The following EPHA2 variants were observed in gnomAD, a reference collection of about 807,000 sequenced individuals.
The protein encoded by EPHA2 is ephrin type-A receptor 2.
EPHA2 carries 54 observed loss-of-function variants against 104.9 expected under a neutral mutation model. The observed-to-expected ratio is 0.51, with a 90% confidence interval of 0.41 to 0.65. The LOEUF is 0.65. Ranked by LOEUF, EPHA2 falls within the 30% of genes least tolerant of loss-of-function variation. EPHA2 has a pLI of 0.00. For synonymous variants in EPHA2, 560 were observed against 559.1 expected, an observed-to-expected ratio of 1.00 and a Z score of -0.02; for missense variants, 1,117 against 1,369.5, an observed-to-expected ratio of 0.82 and a Z score of 2.91.
chr1:16,127,391 A>G (rs1265303436), intron 16 of EPHA2, among the ~76,000 whole-genome samples: 1 of 152,122 alleles, frequency 6.6e-6, no homozygotes, highest in Non-Finnish European at 1.5e-5. Context: ...ATCTGGGACC[A>G]CTAGTCTAGC....
At chr1:16,147,545 C>A (rs764040257) in intron 3 of EPHA2, among the ~76,000 whole-genome samples, 5 of 151,900 alleles carry the variant, frequency 3.3e-5, no homozygotes, top group Non-Finnish European at 7.4e-5. Context: ...GGTACTCCAC[C>A]GTGGGACCAC....
At chr1:16,155,668 C>T (rs965544885) in intron 1 of EPHA2, 180 bp downstream of exon 1, 8 of 469,958 alleles carry the variant, frequency 1.7e-5, no homozygotes, top group Middle Eastern at 4.3e-4. Context: ...TCCGGAGCCC[C>T]TATGACCCCG....
In EPHA2 at chr1:16,124,803, T is replaced by C. The variant is rs2124181482; in HGVS notation, c.*412A>G. 1 of 218,130 alleles carries C rather than the reference T, an allele frequency of 4.6e-6. No individual in the cohort carries two copies. Among genetic ancestry groups the C allele is most frequent in the African/African-American group, 2.2e-5 (1 of 44,902 alleles). 13.5% of individuals were successfully genotyped at this position (218,130 alleles called of 1,614,324 possible). A position where few individuals can be genotyped will look rare whatever the true frequency, so the allele number is the denominator to read the frequency against. Reference sequence around the variant, plus strand: ...TCAAGTTCACAGTCTGCCCTCTTAGTGTGAGGAAATGGGGCTTGAGGTACC... The same window carrying C: ...TCAAGTTCACAGTCTGCCCTCTTAGCGTGAGGAAATGGGGCTTGAGGTACC... On this transcript the variant is annotated 3_prime_UTR_variant, in exon 17 of 17. Transcript: ENST00000358432.
At chr1:16,132,351 C>T in intron 12 of EPHA2, 27 bp downstream of exon 12, 1 of 1,614,134 alleles carries the variant, frequency 6.2e-7, no homozygotes. Flanking sequence ...GCCAGGCATC[C>T]CCGCCCCCTA....
Position 16,135,118 on chromosome 1 carries a change from G to A in EPHA2, c.1500C>T (p.Asp500=), listed in dbSNP as rs746512965. 155 of 1,614,038 alleles carry A rather than the reference G, an allele frequency of 9.6e-5. No individual in the cohort carries two copies. Among genetic ancestry groups the A allele is most frequent in the Non-Finnish European group, 1.2e-4 (147 of 1,180,036 alleles). ...FSVTLDDLAP[D]TTYLVQVQAL... is the part of the protein sequence containing the mutation. ...CCTGCACCTGGACCAGGTAGGTGGT[G>A]TCTGGGGCCAGGTCGTCCAGGGTCA... The change falls in exon 7 of 17, where the codon GAC becomes GAT. Residue 500 remains aspartate (D), a synonymous_variant. Transcript: ENST00000358432. This position sits in a 1 kb window ranked among gnomAD's most constrained non-coding sequence, Gnocchi z 4.3.
intron 1 of EPHA2, among the ~76,000 whole-genome samples, chr1:16,152,606 C>CAGGA (rs2025063591): frequency 6.6e-6 from 1 of 152,184 alleles, no homozygotes; most frequent in Non-Finnish European, 1.5e-5. Flanking sequence ...TCCAGCTACA[C>CAGGA]AGGAAGGAAT....
Position 16,130,526 on chromosome 1 carries a change from C to A in EPHA2, c.2476-107G>T. ...GGGGAGGGGAGGGGAACAGGAACAT[C>A]CCAGAAACAGACAGGAAGGGCCTTT... On this transcript the variant is annotated intron_variant, in intron 14 of 16. Coordinates refer to ENST00000358432, the MANE Select transcript of EPHA2 (RefSeq NM_004431.5). The surrounding 1 kb of genome is among the most constrained non-coding windows in gnomAD (Gnocchi z 4.5). 8.8e-7 allele frequency: 1 copy of A among 1,139,330 alleles called. No individual in the cohort carries two copies. Among genetic ancestry groups the A allele is most frequent in the Non-Finnish European group, 1.2e-6 (1 of 832,996 alleles). The allele number at this position is 1,139,330 out of a possible 1,614,324, so 70.6% of individuals were successfully genotyped here.
In EPHA2 at chr1:16,128,223, T is replaced by C. The variant is rs2024505158; in HGVS notation, c.2825+1211A>G. ...CGCTAGGAAGTGGCAGATGCGGGAC[T>C]TGAACCCAGGTATGTGTGCAGAGCC... On this transcript the variant is annotated intron_variant, in intron 16 of 16. Coordinates refer to ENST00000358432, the MANE Select transcript of EPHA2 (RefSeq NM_004431.5). This position sits in a 1 kb window ranked among gnomAD's most constrained non-coding sequence, Gnocchi z 4.7. Among the ~76,000 whole-genome samples, 2 of 152,322 alleles carry C rather than the reference T, an allele frequency of 1.3e-5. No individual in the cohort carries two copies. The highest frequency in any genetic ancestry group is 6.5e-5 in the Admixed American group (1 of 15,310).
intron 3 of EPHA2, among the ~76,000 whole-genome samples, chr1:16,139,191 C>T (rs981761030): frequency 6.6e-6 from 1 of 152,204 alleles, no homozygotes; most frequent in African/African-American, 2.4e-5. Flanking sequence ...CTTCCTCCCA[C>T]CGCCCTATCC....
chr1:16,132,503 G>A, intron 11 of EPHA2, 64 bp from the exon 12 acceptor site: 1 of 1,582,162 alleles, frequency 6.3e-7, no homozygotes, highest in Non-Finnish European at 8.7e-7. Context: ...GGTGGGCACA[G>A]ATATGGGGGA....
rs768656777 is a variant in EPHA2 at position 16,148,230 on chromosome 1, T to C, written c.823+148A>G. 16 of 1,021,386 alleles carry C rather than the reference T, an allele frequency of 1.6e-5. No individual in the cohort carries two copies. Among genetic ancestry groups the C allele is most frequent in the Non-Finnish European group, 2.4e-5 (16 of 674,672 alleles). 63.3% of individuals were successfully genotyped at this position (1,021,386 alleles called of 1,614,324 possible). A position where few individuals can be genotyped will look rare whatever the true frequency, so the allele number is the denominator to read the frequency against. On this transcript the variant is annotated intron_variant, in intron 3 of 16. Coordinates refer to ENST00000358432, the MANE Select transcript of EPHA2 (RefSeq NM_004431.5). The surrounding 1 kb of genome is among the most constrained non-coding windows in gnomAD (Gnocchi z 4.9). ...AGTCCAGCCTTAATAAGGAAACTGATGTCTGGGAAGGATCTATAATTTCCA... is the reference window on the plus strand; with the variant it reads ...AGTCCAGCCTTAATAAGGAAACTGACGTCTGGGAAGGATCTATAATTTCCA...
Position 16,156,010 on chromosome 1 carries a change from G to A in EPHA2, c.-78C>T. 4.0e-6 allele frequency: 5 copies of A among 1,264,662 alleles called. No individual in the cohort carries two copies. Among genetic ancestry groups the A allele is most frequent in the Non-Finnish European group, 5.2e-6 (5 of 965,022 alleles). The allele number at this position is 1,264,662 out of a possible 1,614,324, so 78.3% of individuals were successfully genotyped here. On this transcript the variant is annotated 5_prime_UTR_variant, in exon 1 of 17. Coordinates refer to ENST00000358432, the MANE Select transcript of EPHA2 (RefSeq NM_004431.5). ...CGCACGCCTGCACGCCGGCCTCGGT[G>A]TCCGCTCCCGCCCGCCGGCCTGCGC...
Position 16,134,028 on chromosome 1 carries a change from C to T in EPHA2, c.1683-113G>A. 11 of 1,067,204 alleles carry T rather than the reference C, an allele frequency of 1.0e-5. No individual in the cohort carries two copies. The highest frequency in any genetic ancestry group is 2.2e-4 in the Middle Eastern group (1 of 4,588). The allele number at this position is 1,067,204 out of a possible 1,614,324, so 66.1% of individuals were successfully genotyped here. ...AGGAGGACCTGGGGTGCTCAGAATG[C>T]GGCCCAGTCCCCGCTTTTGCTGCCC... On this transcript the variant is annotated intron_variant, in intron 8 of 16. Coordinates refer to ENST00000358432, the MANE Select transcript of EPHA2 (RefSeq NM_004431.5). This position sits in a 1 kb window ranked among gnomAD's most constrained non-coding sequence, Gnocchi z 4.5.
In EPHA2 at chr1:16,155,900, G is replaced by A; in HGVS notation, c.33C>T (p.Ala11=). 4 of 1,488,396 alleles carry A rather than the reference G, an allele frequency of 2.7e-6. No individual in the cohort carries two copies. Among genetic ancestry groups the A allele is most frequent in the South Asian group, 1.3e-5 (1 of 78,880 alleles). 92.2% of individuals were successfully genotyped at this position (1,488,396 alleles called of 1,614,324 possible). MELQAARACF[A]LLWGCALAAA... ...CGGCCAGCGCACAGCCCCACAGCAG[G>A]GCGAAGCAGGCGCGGGCTGCCTGGA... The change falls in exon 1 of 17, where the codon GCC becomes GCT. Residue 11 remains alanine (A), a synonymous_variant. Transcript: ENST00000358432.
At chr1:16,153,831 C>T (rs1290799258) in intron 1 of EPHA2, among the ~76,000 whole-genome samples, 3 of 152,076 alleles carry the variant, frequency 2.0e-5, no homozygotes, top group East Asian at 3.9e-4. Context: ...CCTAAGCCAC[C>T]CCCAGGCAGA....
intron 1 of EPHA2, 139 bp from the exon 2 acceptor site, chr1:16,151,102 C>G: frequency 2.6e-6 from 2 of 764,158 alleles, no homozygotes; most frequent in African/African-American, 3.5e-5. Flanking sequence ...GTCACCATAT[C>G]CAAGAAAATC....
In EPHA2 at chr1:16,148,122, C is replaced by T. The variant is rs2024966183; in HGVS notation, c.823+256G>A. 6.6e-6 allele frequency among the ~76,000 whole-genome samples: 1 copy of T among 152,104 alleles called. No homozygotes were observed. The highest frequency in any genetic ancestry group is 1.5e-5 in the Non-Finnish European group (1 of 68,018). On this transcript the variant is annotated intron_variant, in intron 3 of 16. Transcript: ENST00000358432. This position sits in a 1 kb window ranked among gnomAD's most constrained non-coding sequence, Gnocchi z 4.9. ...AACTCCTGGGCTCAAGTGATCCACC[C>T]ACCTCAGCCTCCCAAAGTGCTGGGA...
chr1:16,140,776 G>A (rs1289377127), intron 3 of EPHA2, among the ~76,000 whole-genome samples: 3 of 152,186 alleles, frequency 2.0e-5, no homozygotes, highest in Non-Finnish European at 2.9e-5. Context: ...CGGCCATCAA[G>A]CCTGGCTAAC....
rs142848257 is a variant in EPHA2 at position 16,137,950 on chromosome 1, G to A, written c.1215C>T (p.His405=). 5.0e-5 allele frequency: 81 copies of A among 1,614,068 alleles called. No individual in the cohort carries two copies. The African/African-American group carries it at 1.0e-3, about 21-fold the overall frequency. Residue 405 remains histidine, a synonymous_variant, in exon 5 of 17, where the codon CAC becomes CAT. Coordinates refer to ENST00000358432, the MANE Select transcript of EPHA2 (RefSeq NM_004431.5). ...TSVTVSDLEP[H]MNYTFTVEAR... is the part of the protein sequence containing the mutation. ...CCTCCACGGTGAAGGTGTAGTTCAT[G>A]TGGGGCTCCAGGTCGCTCACTGTCA... is the stretch of plus-strand genomic sequence containing the variant.
Sources: allele counts gnomAD v4.1 joint callset (sites outside exome capture counted in the v4.1 genomes callset), GRCh38; gene constraint gnomAD v4.1.1; non-coding constraint Gnocchi (gnomAD v3.1); transcripts MANE v1.5; gene names NCBI Gene and HGNC (gene_info 2026-07-23, HGNC 2026-07-21).